PCDHA8: variants seen among roughly 807,000 people sequenced by gnomAD.
The protein encoded by PCDHA8 is protocadherin alpha 8, also known as protocadherin alpha-8.
A neutral mutation model predicts 61.8 loss-of-function variants in PCDHA8; 53 were observed. The observed-to-expected ratio is 0.86, with a 90% CI of 0.69 to 1.08. The LOEUF is 1.08. Among genes scored for constraint, PCDHA8 ranks in the 50% least tolerant of loss-of-function variants. PCDHA8 has a pLI of 0.00. For missense variants in PCDHA8, 1,293 were observed against 1,245.0 expected, an observed-to-expected ratio of 1.04 and a Z score of -0.58; for synonymous variants, 618 against 556.6, an observed-to-expected ratio of 1.11 and a Z score of -1.55.
chr5:140,957,113 G>A (rs1554222808), intron 1 of PCDHA8, among the ~76,000 whole-genome samples: 2 of 152,086 alleles, frequency 1.3e-5, no homozygotes, highest in Admixed American at 6.6e-5. Flanking sequence ...ACATGATTCT[G>A]TGTGTTTCTT....
chr5:140,843,260 C>T lies in PCDHA8; in HGVS notation c.1939C>T (p.Leu647=). The T allele has an allele frequency of 6.3e-7, 1 of 1,596,130 alleles. No individual in the cohort carries two copies. Among genetic ancestry groups the T allele is most frequent in the Non-Finnish European group, 8.6e-7 (1 of 1,165,616 alleles). Residue 647 remains leucine, a synonymous_variant, in exon 1 of 4, where the codon CTG becomes TTG. Coordinates refer to ENST00000531613, the MANE Select transcript of PCDHA8 (RefSeq NM_018911.3). ...CGAAGCGGACTCTCCGCGCCACCGT[C>T]TGCTGGTCCTGGTGAAGGATCATGG... is the stretch of plus-strand genomic sequence containing the variant. The part of the protein sequence containing the change: ...LDEADSPRHR[L]LVLVKDHGEP...
intron 1 of PCDHA8, chr5:140,881,309 G>C (rs535656328): frequency 1.0e-6 from 1 of 975,612 alleles, no homozygotes; most frequent in East Asian, 1.1e-4. Context: ...TTAACCTCCT[G>C]GTTAAATTCT....
At chr5:140,994,125 C>T (rs1007264886) in intron 3 of PCDHA8, among the ~76,000 whole-genome samples, 6 of 152,044 alleles carry the variant, frequency 3.9e-5, no homozygotes, top group African/African-American at 9.7e-5. Flanking sequence ...GTGATAAGGG[C>T]GACAATAATG....
At chr5:140,908,822 C>G (rs2074167872) in intron 1 of PCDHA8, among the ~76,000 whole-genome samples, 1 of 152,136 alleles carries the variant, frequency 6.6e-6, no homozygotes, top group African/African-American at 2.4e-5. Flanking sequence ...TTTTGGGTTA[C>G]TCGATAAATG....
At chr5:140,848,688 C>T in intron 1 of PCDHA8, 1 of 1,592,412 alleles carries the variant, frequency 6.3e-7, no homozygotes. Context: ...GCGCCTGTTC[C>T]AGTTGGATTC....
At chr5:140,973,760 A>T (rs2153800993) in intron 1 of PCDHA8, among the ~76,000 whole-genome samples, 1 of 152,376 alleles carries the variant, frequency 6.6e-6, no homozygotes, top group Admixed American at 6.5e-5. Flanking sequence ...GCAGGGACAC[A>T]GCCTGGCATA....
chr5:140,937,544 G>A (rs1584916814), intron 1 of PCDHA8, among the ~76,000 whole-genome samples: 1 of 151,510 alleles, frequency 6.6e-6, no homozygotes, highest in South Asian at 2.1e-4. Flanking sequence ...TTGAACCTGC[G>A]AGGCAGAGGT....
At chr5:140,852,795 A>C in intron 1 of PCDHA8, 1 of 977,366 alleles carries the variant, frequency 1.0e-6, no homozygotes, top group African/African-American at 1.8e-5. Context: ...GATGCTACAG[A>C]TGTCATTTGT....
intron 1 of PCDHA8, among the ~76,000 whole-genome samples, chr5:140,885,964 G>A (rs1326363408): frequency 6.6e-6 from 1 of 151,886 alleles, no homozygotes; most frequent in Non-Finnish European, 1.5e-5. Flanking sequence ...TTTTTATTTT[G>A]AGATAATTAT....
chr5:140,857,746 G>C lies in PCDHA8; in HGVS notation c.2394+14031G>C. 5.0e-6 allele frequency: 8 copies of C among 1,597,368 alleles called. No homozygotes were observed. In the South Asian group the frequency reaches 8.8e-5, roughly 18 times the overall value. On this transcript the variant is annotated intron_variant, in intron 1 of 3. Coordinates refer to ENST00000531613, the MANE Select transcript of PCDHA8 (RefSeq NM_018911.3). ...ACGACAACGCTCCCGCGCTGCTGGC[G>C]TCTCCCGCTGGCAGCGCGGGCGGTG...
chr5:140,926,405 T>C (rs1554203436), intron 1 of PCDHA8: 1 of 152,454 alleles, frequency 6.6e-6, no homozygotes, highest in Non-Finnish European at 1.5e-5. Context: ...TTATCAGCAA[T>C]CTGCGGGCAG....
chr5:140,895,881 G>A (rs1004872677), intron 1 of PCDHA8, among the ~76,000 whole-genome samples: 22 of 152,176 alleles, frequency 1.4e-4, no homozygotes, highest in East Asian at 1.9e-4. Flanking sequence ...GCGCGATCTC[G>A]GCTCACTGCA....
rs2150327218 is a variant in PCDHA8 at position 140,842,007 on chromosome 5, T to C, written c.686T>C (p.Leu229Pro). The change falls in exon 1 of 4, where the codon CTG (leucine) becomes CCG (proline). Residue 229 changes from leucine (L) to proline (P), a missense_variant. Transcript: ENST00000531613. The stretch of plus-strand genomic sequence containing the variant: ...GAGCTCACAGGCACTGTTCAGCTGC[T>C]GGTCACAGTGCTGGATGTGAATGAT... ...KPELTGTVQL[L>P]VTVLDVNDNA... 2 of 1,613,612 alleles carry C rather than the reference T, an allele frequency of 1.2e-6. No homozygotes were observed. Among genetic ancestry groups the C allele is most frequent in the East Asian group, 2.2e-5 (1 of 44,894 alleles).
chr5:140,919,480 T>C (rs1745975489), intron 1 of PCDHA8, among the ~76,000 whole-genome samples: 1 of 152,198 alleles, frequency 6.6e-6, no homozygotes, highest in Admixed American at 6.5e-5. Context: ...TATTTGGATT[T>C]ATGTTTGTTA....
intron 1 of PCDHA8, chr5:140,854,175 A>AAAAG (rs386405127): frequency 4.4e-6 from 3 of 674,282 alleles, no homozygotes; most frequent in African/African-American, 2.0e-5. Flanking sequence ...AAAAAAAAAA[A>AAAAG]AGAGTAGTTT....
At chr5:140,977,784 A>G (rs1284023783) in intron 1 of PCDHA8, among the ~76,000 whole-genome samples, 1 of 152,366 alleles carries the variant, frequency 6.6e-6, no homozygotes, top group East Asian at 1.9e-4. Context: ...TAAAGGAACT[A>G]TATGAATGAT....
intron 1 of PCDHA8, chr5:140,882,140 T>C (rs1010543120): frequency 7.4e-6 from 11 of 1,490,760 alleles, no homozygotes; most frequent in Admixed American, 4.6e-5. Flanking sequence ...GCAGAAAATA[T>C]AGCAGAAAGC....
chr5:140,892,408 G>A (rs1323060042), intron 1 of PCDHA8, among the ~76,000 whole-genome samples: 1 of 152,054 alleles, frequency 6.6e-6, no homozygotes, highest in African/African-American at 2.4e-5. Context: ...TCAAGCTTCA[G>A]GTATTCTAGA....
chr5:140,929,681 A>C, intron 1 of PCDHA8: 1 of 302,408 alleles, frequency 3.3e-6, no homozygotes. Flanking sequence ...AAAAATATGT[A>C]AGAGTCTGCT....
Sources: allele counts gnomAD v4.1 joint callset (sites outside exome capture counted in the v4.1 genomes callset), GRCh38; gene constraint gnomAD v4.1.1; transcripts MANE v1.5; gene names NCBI Gene and HGNC (gene_info 2026-07-23, HGNC 2026-07-21).